Variants in FSHR observed in about 807,000 individuals in gnomAD.
FSHR encodes follicle-stimulating hormone receptor.
Under a neutral mutation model 52.1 loss-of-function variants are expected in FSHR, and 46 were observed. The ratio of observed to expected loss-of-function variants is 0.88; its 90% CI spans 0.70 to 1.13. The LOEUF (loss-of-function observed/expected upper bound fraction) is 1.13, where lower values mean the gene tolerates loss of function less well. FSHR is among the 50% of genes most tolerant of loss of function. The pLI, the probability that FSHR is intolerant of heterozygous loss-of-function variation, is 0.00. For missense variants in FSHR, 964 were observed against 834.6 expected (o/e 1.16, Z -1.91); for synonymous variants, 399 against 309.6 (o/e 1.29, Z -3.03).
intron 1 of FSHR, among the ~76,000 whole-genome samples, chr2:49,131,253 G>A (rs558206554): frequency 3.3e-5 from 5 of 152,188 alleles, no homozygotes; most frequent in East Asian, 1.9e-4. Flanking sequence ...CAACAAACAA[G>A]ATGATAAATT....
At chr2:49,129,054 T>G (rs1348403695) in intron 1 of FSHR, among the ~76,000 whole-genome samples, 1 of 152,078 alleles carries the variant, frequency 6.6e-6, no homozygotes, top group African/African-American at 2.4e-5. Context: ...CTTGTTTTTT[T>G]TTTTTTCAGT....
At chr2:49,117,417 T>C (rs1671643527) in intron 1 of FSHR, among the ~76,000 whole-genome samples, 2 of 152,216 alleles carry the variant, frequency 1.3e-5, no homozygotes, top group Admixed American at 6.5e-5. Flanking sequence ...AGTGTACTGA[T>C]GAAAAGTTGG....
chr2:49,065,741 G>A (rs79477998), intron 2 of FSHR, among the ~76,000 whole-genome samples: 5,624 of 152,096 alleles, frequency 0.037, 335 homozygotes, highest in African/African-American at 0.13. Flanking sequence ...GGTCATTCAA[G>A]GGTGGAGCTA....
At chr2:49,145,715 C>A (rs747776257) in intron 1 of FSHR, among the ~76,000 whole-genome samples, 3 of 152,070 alleles carry the variant, frequency 2.0e-5, no homozygotes, top group African/African-American at 4.8e-5. Context: ...TCTTTTTTGG[C>A]AACTTCATGA....
At position 49,145,597 on chromosome 2, in the gene FSHR, A is replaced by G. The variant is rs143420594; in HGVS notation, c.152+8669T>C. On this transcript the variant is annotated intron_variant, in intron 1 of 9. Transcript: ENST00000406846. ...TTCAGATTGCACAAAGCAACATGCA[A>G]TTAGTTGTCAAATTAGTGATTTCGA... Among the ~76,000 whole-genome samples, 17 of 152,168 alleles carry G rather than the reference A, an allele frequency of 1.1e-4. No individual in the cohort carries two copies. The East Asian group carries it at 1.9e-3, about 17-fold the overall frequency.
chr2:49,115,685 T>C (rs1275209364), intron 1 of FSHR, among the ~76,000 whole-genome samples: 1 of 152,170 alleles, frequency 6.6e-6, no homozygotes, highest in Non-Finnish European at 1.5e-5. Context: ...GAAATCATGC[T>C]GTCATGATCT....
chr2:49,118,456 A>T (rs1671683396), intron 1 of FSHR, among the ~76,000 whole-genome samples: 1 of 152,206 alleles, frequency 6.6e-6, no homozygotes. Context: ...ACATGGCAGC[A>T]GTGGGACCGG....
chr2:49,079,104 A>T (rs2103650179), intron 1 of FSHR, among the ~76,000 whole-genome samples: 1 of 152,230 alleles, frequency 6.6e-6, no homozygotes, highest in East Asian at 1.9e-4. Context: ...TAACCCCCCC[A>T]TATTATTTTA....
chr2:49,061,636 A>G (rs2104326877), intron 2 of FSHR, among the ~76,000 whole-genome samples: 1 of 144,234 alleles, frequency 6.9e-6, no homozygotes, highest in African/African-American at 2.5e-5. Context: ...ACATATATCT[A>G]TAATATATAT....
chr2:49,014,512 C>G (rs1667410546), intron 4 of FSHR, among the ~76,000 whole-genome samples: 2 of 152,084 alleles, frequency 1.3e-5, no homozygotes, highest in Non-Finnish European at 2.9e-5. Context: ...TGGAGCTGTG[C>G]TTTCCATGCC....
intron 1 of FSHR, among the ~76,000 whole-genome samples, chr2:49,074,564 C>T (rs1464764767): frequency 6.6e-6 from 1 of 152,022 alleles, no homozygotes; most frequent in Non-Finnish European, 1.5e-5. Context: ...AATACTGTTG[C>T]TGGGAAAATA....
intron 2 of FSHR, 26 bp downstream of exon 2, chr2:49,068,193 C>T (rs373563478): frequency 5.7e-6 from 9 of 1,582,218 alleles, no homozygotes; most frequent in African/African-American, 1.4e-5. Context: ...TTGAGGCATT[C>T]ACTCACAGCA....
At chr2:49,047,128 T>G (rs75514628) in intron 2 of FSHR, among the ~76,000 whole-genome samples, 1,624 of 152,272 alleles carry the variant, frequency 0.011, 32 homozygotes, top group African/African-American at 0.037. Flanking sequence ...TATGTAGGAT[T>G]TTTTGTTGTT....
At chr2:49,151,459 C>G (rs1673059621) in intron 1 of FSHR, among the ~76,000 whole-genome samples, 1 of 152,034 alleles carries the variant, frequency 6.6e-6, no homozygotes, top group Non-Finnish European at 1.5e-5. Context: ...TGCTTCTGTT[C>G]TTTTAGCATT....
chr2:49,061,432 A>G (rs535357054), intron 2 of FSHR, among the ~76,000 whole-genome samples: 1 of 151,580 alleles, frequency 6.6e-6, no homozygotes, highest in South Asian at 2.1e-4. Context: ...AAAGGAAACT[A>G]TGGGTCAAAA....
intron 1 of FSHR, among the ~76,000 whole-genome samples, chr2:49,135,645 A>ATT (rs1672463238): frequency 1.3e-5 from 2 of 152,252 alleles, no homozygotes; most frequent in South Asian, 2.1e-4. Flanking sequence ...GGTTAGGTTT[A>ATT]CCAACCCCCA....
intron 6 of FSHR, among the ~76,000 whole-genome samples, chr2:48,986,425 A>AATG (rs1425594978): frequency 1.4e-5 from 2 of 139,424 alleles, no homozygotes; most frequent in African/African-American, 2.7e-5. Context: ...AGTGTGCTCA[A>AATG]ATGTCCCCAT....
intron 2 of FSHR, among the ~76,000 whole-genome samples, chr2:49,030,409 CCGTA>C (rs1668061011): frequency 6.6e-6 from 1 of 151,938 alleles, no homozygotes; most frequent in Non-Finnish European, 1.5e-5. Flanking sequence ...CTTTTTGATA[CCGTA>C]CCTGTAACAA....
chr2:49,127,460 A>G (rs1672046935), intron 1 of FSHR, among the ~76,000 whole-genome samples: 1 of 151,934 alleles, frequency 6.6e-6, no homozygotes, highest in Admixed American at 6.6e-5. Context: ...AAGAAATTGA[A>G]CGTGTCCTTT....
Sources: allele counts gnomAD v4.1 joint callset (sites outside exome capture counted in the v4.1 genomes callset), GRCh38; gene constraint gnomAD v4.1.1; transcripts MANE v1.5; gene names NCBI Gene and HGNC (gene_info 2026-07-23, HGNC 2026-07-21).